Variants in CPEB1 observed in about 807,000 individuals in gnomAD.
CPEB1 encodes the protein cytoplasmic polyadenylation element-binding protein 1.
CPEB1 carries 7 observed loss-of-function variants against 65.8 expected under a neutral mutation model. The ratio of observed to expected loss-of-function variants is 0.11; its 90% CI spans 0.06 to 0.20. The LOEUF is 0.20. Ranked by LOEUF, CPEB1 falls within the 10% of genes least tolerant of loss-of-function variation. The probability of loss-of-function intolerance (pLI) is 1.00; values close to 1 mark genes in which losing one functional copy is unlikely to be tolerated. For synonymous variants in CPEB1, 262 were observed against 260.0 expected (o/e 1.01, Z -0.08); for missense variants, 551 against 712.2 (o/e 0.77, Z 2.58).
chr15:82,645,192 C>T (rs2047405145), intron 1 of CPEB1, among the ~76,000 whole-genome samples: 1 of 152,190 alleles, frequency 6.6e-6, no homozygotes, highest in South Asian at 2.1e-4. Context: ...CTCGCTCTGT[C>T]GTTCAGGCTG....
chr15:82,601,078 T>C lies in CPEB1; in HGVS notation c.271+26115A>G, dbSNP rs192278421. On this transcript the variant is annotated intron_variant, in intron 3 of 12. Transcript: ENST00000684509. ...TGCCACCACACCGAGCTAATTTTTGTATTTTTTAGTAGAGACAGGGTTTCG... is the reference window on the plus strand; with the variant it reads ...TGCCACCACACCGAGCTAATTTTTGCATTTTTTAGTAGAGACAGGGTTTCG... Among the ~76,000 whole-genome samples the C allele has an allele frequency of 7.5e-3, 1,130 of 151,034 alleles. 13 individuals carry two copies. The highest frequency in any genetic ancestry group is 8.5e-3 in the Non-Finnish European group (576 of 67,722).
chr15:82,548,059 G>A (rs997931670), intron 10 of CPEB1, among the ~76,000 whole-genome samples: 12 of 152,072 alleles, frequency 7.9e-5, no homozygotes, highest in Admixed American at 2.6e-4. Context: ...TTTATTGGCC[G>A]GGCACGGTGG....
At chr15:82,573,521 C>T (rs187330492) in intron 3 of CPEB1, among the ~76,000 whole-genome samples, 1 of 152,224 alleles carries the variant, frequency 6.6e-6, no homozygotes, top group East Asian at 1.9e-4. Flanking sequence ...ATTTAAGTAT[C>T]TATTCTCCCC....
intron 3 of CPEB1, among the ~76,000 whole-genome samples, chr15:82,601,268 C>T (rs1384042342): frequency 2.7e-5 from 4 of 150,788 alleles, no homozygotes; most frequent in East Asian, 2.0e-4. Flanking sequence ...ACACTGGGCA[C>T]GGTGGCTCAC....
At chr15:82,613,351 T>C (rs2044360622) in intron 3 of CPEB1, among the ~76,000 whole-genome samples, 1 of 152,170 alleles carries the variant, frequency 6.6e-6, no homozygotes, top group Non-Finnish European at 1.5e-5. Context: ...TTAATAACAT[T>C]CATGATTTTA....
intron 9 of CPEB1, among the ~76,000 whole-genome samples, chr15:82,552,186 A>G (rs1052637728): frequency 1.3e-5 from 2 of 152,198 alleles, no homozygotes; most frequent in Non-Finnish European, 2.9e-5. Context: ...GTTTGAAACC[A>G]AAGTGTTGGC....
chr15:82,552,754 C>T (rs1408662265), intron 8 of CPEB1, 138 bp from the exon 9 acceptor site: 9 of 939,392 alleles, frequency 9.6e-6, no homozygotes, highest in Middle Eastern at 2.2e-4. Context: ...CCTGAAAAGT[C>T]GTGTTGAGTG....
At chr15:82,577,992 T>A in intron 3 of CPEB1, among the ~76,000 whole-genome samples, 1 of 151,998 alleles carries the variant, frequency 6.6e-6, no homozygotes, top group East Asian at 1.9e-4. Flanking sequence ...TACAAAAAAT[T>A]AGCCGGGCAT....
chr15:82,610,955 T>C (rs1472464316), intron 3 of CPEB1, among the ~76,000 whole-genome samples: 2 of 38,052 alleles, frequency 5.3e-5, no homozygotes, highest in African/African-American at 2.5e-4. Flanking sequence ...GAGACTCCAG[T>C]CTCAAAAAAA....
chr15:82,559,929 C>A lies in CPEB1; in HGVS notation c.461-1943G>T, dbSNP rs912739626. Among the ~76,000 whole-genome samples, 4 of 152,154 alleles carry A rather than the reference C, an allele frequency of 2.6e-5. No homozygotes were observed. The East Asian group carries it at 7.8e-4, about 29-fold the overall frequency. Reference sequence around the variant, plus strand: ...CGAAACCCCGTCTCTACTGAAAATACAAAAATTAGCCAGGCGTGAAAGTGC... The same window carrying A: ...CGAAACCCCGTCTCTACTGAAAATAAAAAAATTAGCCAGGCGTGAAAGTGC... On this transcript the variant is annotated intron_variant, in intron 4 of 12. Transcript: ENST00000684509.
At chr15:82,646,111 G>C (rs1013037109) in intron 1 of CPEB1, among the ~76,000 whole-genome samples, 2 of 152,170 alleles carry the variant, frequency 1.3e-5, no homozygotes, top group Admixed American at 1.3e-4. Flanking sequence ...AGGTTTCCAA[G>C]GTTGGGTCCT....
intron 3 of CPEB1, among the ~76,000 whole-genome samples, chr15:82,578,972 C>T (rs2040951392): frequency 6.6e-6 from 1 of 152,060 alleles, no homozygotes; most frequent in South Asian, 2.1e-4. Context: ...TATACACATG[C>T]ACCACCACGC....
intron 3 of CPEB1, among the ~76,000 whole-genome samples, chr15:82,604,532 A>G (rs1259930564): frequency 6.6e-6 from 1 of 152,072 alleles, no homozygotes; most frequent in Non-Finnish European, 1.5e-5. Flanking sequence ...CCAAGGAACT[A>G]AAGTATGAGA....
Position 82,566,707 on chromosome 15 carries a change from T to C in CPEB1, c.460+4637A>G, listed in dbSNP as rs531550888. ...TCAGCACACATCCTGCCCCTGTCAC[T>C]AACCACCTCAACTTCTTTCTCACCT... On this transcript the variant is annotated intron_variant, in intron 4 of 12. Transcript: ENST00000684509. 1.8e-3 allele frequency among the ~76,000 whole-genome samples: 281 copies of C among 152,220 alleles called. 1 individual carries two copies. The highest frequency in any genetic ancestry group is 6.6e-3 in the African/African-American group (275 of 41,542).
intron 3 of CPEB1, among the ~76,000 whole-genome samples, chr15:82,587,830 G>C (rs1315689196): frequency 6.6e-6 from 1 of 152,192 alleles, no homozygotes; most frequent in Admixed American, 6.5e-5. Context: ...TATGTTTTAA[G>C]AGTATGTTTA....
intron 4 of CPEB1, among the ~76,000 whole-genome samples, chr15:82,560,222 CTG>C (rs1425159276): frequency 6.6e-6 from 1 of 152,176 alleles, no homozygotes; most frequent in Non-Finnish European, 1.5e-5. Context: ...CAAAGAGGCA[CTG>C]TGAAAAATCA....
At chr15:82,568,719 CT>C (rs2039546663) in intron 4 of CPEB1, among the ~76,000 whole-genome samples, 1 of 152,208 alleles carries the variant, frequency 6.6e-6, no homozygotes. Context: ...ATGAAAGCCC[CT>C]ATCATAGCAG....
intron 1 of CPEB1, chr15:82,646,891 C>T (rs2047602500): frequency 6.6e-6 from 1 of 152,436 alleles, no homozygotes; most frequent in African/African-American, 2.4e-5. Context: ...AACCGCTCGT[C>T]ATCACGGGGG....
At chr15:82,556,267 A>C in intron 5 of CPEB1, 145 bp from the exon 6 acceptor site, 1 of 922,540 alleles carries the variant, frequency 1.1e-6, no homozygotes, top group Non-Finnish European at 1.6e-6. Context: ...AGCAATTTTG[A>C]TTAGTTCTAG....
Sources: gnomAD v4.1 joint callset for allele counts (sites outside exome capture counted in the v4.1 genomes callset) on GRCh38, gnomAD v4.1.1 for gene constraint, MANE v1.5 for transcripts, NCBI Gene and HGNC (gene_info 2026-07-23, HGNC 2026-07-21) for gene names.